CSMD1: variants seen among roughly 807,000 people sequenced by gnomAD.
CSMD1 encodes the protein CUB and Sushi multiple domains 1, also known as CUB and sushi domain-containing protein 1.
Under a neutral mutation model 417.5 loss-of-function variants are expected in CSMD1, and 213 were observed. That is an observed-to-expected ratio of 0.51 (90% confidence interval 0.46 to 0.57). The LOEUF (loss-of-function observed/expected upper bound fraction) is 0.57. Ranked by LOEUF, CSMD1 falls within the 20% of genes least tolerant of loss-of-function variation. The probability of loss-of-function intolerance (pLI) is 0.00; values close to 1 mark genes in which losing one functional copy is unlikely to be tolerated. For synonymous variants in CSMD1, 2,862 were observed against 1,736.8 expected, an observed-to-expected ratio of 1.65 and a Z score of -16.11; for missense variants, 6,923 against 4,529.7, an observed-to-expected ratio of 1.53 and a Z score of -15.17.
intron 3 of CSMD1, among the ~76,000 whole-genome samples, chr8:4,085,415 T>C (rs1458240847): frequency 2.0e-5 from 3 of 152,196 alleles, no homozygotes; most frequent in South Asian, 4.1e-4. Context: ...TTTTACATTG[T>C]GGTGATTTTG....
At chr8:4,616,366 C>A (rs2130803395) in intron 2 of CSMD1, among the ~76,000 whole-genome samples, 1 of 152,276 alleles carries the variant, frequency 6.6e-6, no homozygotes, top group South Asian at 2.1e-4. Context: ...TCTGAGGTCA[C>A]ATGGAGATGA....
chr8:4,080,357 A>T (rs992566905), intron 3 of CSMD1, among the ~76,000 whole-genome samples: 1 of 149,178 alleles, frequency 6.7e-6, no homozygotes, highest in African/African-American at 2.5e-5. Context: ...GGTGAAGCAA[A>T]ATCTACACAA....
intron 23 of CSMD1, among the ~76,000 whole-genome samples, chr8:3,342,889 A>ATGTGTGTG (rs1345962497): frequency 1.3e-4 from 7 of 54,662 alleles, no homozygotes; most frequent in African/African-American, 3.8e-4. Context: ...ATGTATAAAT[A>ATGTGTGTG]TATGTGTGTA....
At chr8:4,119,071 T>TCA (rs1410542091) in intron 3 of CSMD1, among the ~76,000 whole-genome samples, 5 of 151,864 alleles carry the variant, frequency 3.3e-5, no homozygotes, top group South Asian at 2.1e-4. Flanking sequence ...GAGGGGAACA[T>TCA]CACACACAGG....
chr8:3,734,146 GA>G (rs1318027179), intron 6 of CSMD1, among the ~76,000 whole-genome samples: 1 of 152,130 alleles, frequency 6.6e-6, no homozygotes, highest in African/African-American at 2.4e-5. Flanking sequence ...ATTATTTAAG[GA>G]TACTACCATT....
Position 4,666,002 on chromosome 8 carries a change from G to C in CSMD1, c.86-28444C>G, listed in dbSNP as rs115123650. Among the ~76,000 whole-genome samples the C allele has an allele frequency of 4.8e-3, 733 of 152,170 alleles. 7 individuals carry two copies. The highest frequency in any genetic ancestry group is 0.016 in the African/African-American group (669 of 41,522). ...TGTAATATTGCATGAACTCTGCATC[G>C]GCAGCAGCACTTGTTGTTGTCATTT... On this transcript the variant is annotated intron_variant, in intron 1 of 69. Transcript: ENST00000635120.
At position 2,998,168 on chromosome 8, in the gene CSMD1, G is replaced by A. The variant is rs752314608; in HGVS notation, c.8220C>T (p.His2740=). ...TPVCVPITCG[H]PGNPAHGFTN... ...TGAATCCGTGGGCAGGGTTTCCAGG[G>A]TGACCACATGTGATGGCTGTAGAGA... Residue 2740 remains histidine, a synonymous_variant, in exon 54 of 70, where the codon CAC becomes CAT. Transcript: ENST00000635120. The A allele has an allele frequency of 8.7e-6, 14 of 1,613,924 alleles. No individual in the cohort carries two copies. The South Asian group carries it at 1.4e-4, about 16-fold the overall frequency.
In CSMD1 at chr8:4,484,889, C is replaced by G. The variant is rs1423915119; in HGVS notation, c.303-64824G>C. On this transcript the variant is annotated intron_variant, in intron 2 of 69. Coordinates refer to ENST00000635120, the MANE Select transcript of CSMD1 (RefSeq NM_033225.6). ...TCGGGAGGCTGAGGCGGGAGAATGG[C>G]GTGAACCCGGGAGGCAGAGGTTGCA... Among the ~76,000 whole-genome samples the G allele has an allele frequency of 2.1e-5, 3 of 144,508 alleles. No homozygotes were observed. In the South Asian group the frequency reaches 6.8e-4, roughly 33 times the overall value. The allele number at this position is 144,508 out of a possible 152,430, so 94.8% of individuals were successfully genotyped here. A position where few individuals can be genotyped will look rare whatever the true frequency, so the allele number is the denominator to read the frequency against.
intron 3 of CSMD1, among the ~76,000 whole-genome samples, chr8:4,076,371 C>A (rs1359698640): frequency 6.6e-6 from 1 of 152,182 alleles, no homozygotes; most frequent in Non-Finnish European, 1.5e-5. Context: ...AAAAGTTACC[C>A]TGTCTGAGGT....
chr8:3,363,836 G>C (rs970252633), intron 20 of CSMD1, among the ~76,000 whole-genome samples: 5 of 152,190 alleles, frequency 3.3e-5, no homozygotes, highest in African/African-American at 1.2e-4. Flanking sequence ...AAGTAAGTGT[G>C]GAGTATCCAG....
intron 2 of CSMD1, among the ~76,000 whole-genome samples, chr8:4,559,201 C>G (rs751618810): frequency 4.9e-4 from 75 of 152,152 alleles, no homozygotes; most frequent in African/African-American, 1.2e-3. Flanking sequence ...TGGCTTTAGT[C>G]TCTTATGACT....
chr8:4,094,573 A>G (rs1045046876), intron 3 of CSMD1, among the ~76,000 whole-genome samples: 1 of 152,136 alleles, frequency 6.6e-6, no homozygotes, highest in African/African-American at 2.4e-5. Context: ...ACATGAAAAT[A>G]GTAATGGAGC....
intron 8 of CSMD1, among the ~76,000 whole-genome samples, chr8:3,612,033 G>C (rs1412110178): frequency 6.6e-6 from 1 of 152,124 alleles, no homozygotes; most frequent in South Asian, 2.1e-4. Flanking sequence ...TCAGCTATAT[G>C]TACAACTGGA....
intron 2 of CSMD1, among the ~76,000 whole-genome samples, chr8:4,424,901 C>G (rs924564914): frequency 5.3e-5 from 8 of 151,950 alleles, no homozygotes; most frequent in African/African-American, 9.7e-5. Context: ...CTATAATGAT[C>G]TCACATTAAA....
intron 3 of CSMD1, among the ~76,000 whole-genome samples, chr8:4,382,139 G>C (rs1334098639): frequency 6.6e-6 from 1 of 152,126 alleles, no homozygotes; most frequent in Non-Finnish European, 1.5e-5. Flanking sequence ...GGACATCTTT[G>C]ACAAAGCAAA....
At chr8:3,921,370 A>G (rs1176392453) in intron 5 of CSMD1, among the ~76,000 whole-genome samples, 1 of 151,890 alleles carries the variant, frequency 6.6e-6, no homozygotes, top group Non-Finnish European at 1.5e-5. Context: ...ATTTTTCTTT[A>G]AATTGTCTTT....
At chr8:3,971,337 C>T (rs778207571) in intron 5 of CSMD1, among the ~76,000 whole-genome samples, 1 of 152,164 alleles carries the variant, frequency 6.6e-6, no homozygotes, top group Non-Finnish European at 1.5e-5. Context: ...TGCCGGTTCA[C>T]ATGTGTTCTC....
intron 8 of CSMD1, among the ~76,000 whole-genome samples, chr8:3,599,680 T>A (rs1056481382): frequency 1.3e-5 from 2 of 152,186 alleles, no homozygotes; most frequent in African/African-American, 2.4e-5. Flanking sequence ...TTTAACAACA[T>A]CTCCATTTTC....
At chr8:3,563,419 A>AAAAT (rs58819101) in intron 10 of CSMD1, among the ~76,000 whole-genome samples, 46,593 of 138,560 alleles carry the variant, frequency 0.34, 8,568 homozygotes, top group African/African-American at 0.42. Flanking sequence ...TCAAATGCAT[A>AAAAT]AAATAGGTAA....
Sources: allele counts gnomAD v4.1 joint callset (sites outside exome capture counted in the v4.1 genomes callset), GRCh38; gene constraint gnomAD v4.1.1; transcripts MANE v1.5; gene names NCBI Gene and HGNC (gene_info 2026-07-23, HGNC 2026-07-21).